Variants in KLRG1 observed in about 807,000 individuals in gnomAD.
KLRG1 encodes killer cell lectin-like receptor subfamily G member 1.
KLRG1 carries 16 observed loss-of-function variants against 21.8 expected under a neutral mutation model. The observed-to-expected ratio is 0.73, with a 90% CI of 0.50 to 1.11. The LOEUF (loss-of-function observed/expected upper bound fraction) is 1.11, where lower values mean the gene tolerates loss of function less well. KLRG1 is among the 50% of genes most tolerant of loss of function. The pLI is 0.00. For missense variants in KLRG1, 173 were observed against 218.3 expected (o/e 0.79, Z 1.31); for synonymous variants, 69 against 75.9 (o/e 0.91, Z 0.47).
At chr12:9,105,904 G>A in the KLRG1 span, among the ~76,000 whole-genome samples, 744 of 152,204 alleles carry the variant, frequency 4.9e-3, 3 homozygotes, top group African/African-American at 0.016. Context: ...GTGAGAAAAT[G>A]TCATAAAAAC....
chr12:9,163,956 T>C, the KLRG1 span, among the ~76,000 whole-genome samples: 1 of 152,160 alleles, frequency 6.6e-6, no homozygotes, highest in Non-Finnish European at 1.5e-5. Flanking sequence ...ATAGTGATTC[T>C]GGGGACTAGC....
At chr12:9,190,922 T>C in the KLRG1 span, among the ~76,000 whole-genome samples, 1 of 152,200 alleles carries the variant, frequency 6.6e-6, no homozygotes, top group Non-Finnish European at 1.5e-5. Flanking sequence ...TCTTTTATCA[T>C]AGAGGTGTAA....
intron 1 of KLRG1, among the ~76,000 whole-genome samples, chr12:8,965,293 C>T (rs1364040408): frequency 6.6e-6 from 1 of 152,162 alleles, no homozygotes; most frequent in Non-Finnish European, 1.5e-5. Context: ...GGGATGCCCT[C>T]TCTCACCACT....
At chr12:9,060,442 A>T in the KLRG1 span, among the ~76,000 whole-genome samples, 1 of 152,190 alleles carries the variant, frequency 6.6e-6, no homozygotes, top group Non-Finnish European at 1.5e-5. Context: ...TAACTGCATG[A>T]TAGAACCACC....
chr12:9,113,475 C>A, the KLRG1 span: 3 of 1,613,770 alleles, frequency 1.9e-6, no homozygotes, highest in Non-Finnish European at 2.5e-6. Flanking sequence ...ATTCAGGTAG[C>A]TCAGAAGGAC....
intron 3 of KLRG1, among the ~76,000 whole-genome samples, chr12:8,995,663 G>C (rs1198669965): frequency 6.6e-6 from 1 of 151,196 alleles, no homozygotes; most frequent in Non-Finnish European, 1.5e-5. Context: ...AAACCTACAG[G>C]TCCAACAACA....
chr12:8,993,480 G>A (rs1003537949), intron 2 of KLRG1, among the ~76,000 whole-genome samples: 2 of 152,030 alleles, frequency 1.3e-5, no homozygotes, highest in African/African-American at 4.8e-5. Flanking sequence ...ATTAGAGACG[G>A]GGTTTCACTA....
chr12:9,135,521 T>A, the KLRG1 span: 1 of 358,388 alleles, frequency 2.8e-6, no homozygotes, highest in South Asian at 2.8e-5. Flanking sequence ...GACAGCTGAA[T>A]AAACTGTAAG....
chr12:9,192,514 G>A, the KLRG1 span: 2 of 1,611,476 alleles, frequency 1.2e-6, no homozygotes, highest in Middle Eastern at 1.7e-4. Flanking sequence ...ATTCTTACCA[G>A]GTAATGGAAA....
At chr12:9,106,085 T>C in the KLRG1 span, 1 of 518,066 alleles carries the variant, frequency 1.9e-6, no homozygotes, top group Non-Finnish European at 3.5e-6. Flanking sequence ...TTTATACCTT[T>C]GGTTATACTA....
chr12:9,067,143 C>A, the KLRG1 span: 2 of 152,518 alleles, frequency 1.3e-5, no homozygotes, highest in African/African-American at 4.8e-5. Flanking sequence ...GAAAGATGAT[C>A]CAATATAATA....
At chr12:9,006,371 C>G (rs1331437823) in intron 3 of KLRG1, among the ~76,000 whole-genome samples, 1 of 152,108 alleles carries the variant, frequency 6.6e-6, no homozygotes, top group African/African-American at 2.4e-5. Flanking sequence ...ATGTAGAAAT[C>G]TCGGGTAAGA....
At chr12:9,155,506 TG>T in the KLRG1 span, among the ~76,000 whole-genome samples, 1 of 152,174 alleles carries the variant, frequency 6.6e-6, no homozygotes, top group African/African-American at 2.4e-5. Flanking sequence ...TTGTTGTTGT[TG>T]TTGTTTTTGT....
chr12:9,058,226 C>T, the KLRG1 span: 1 of 152,160 alleles, frequency 6.6e-6, no homozygotes, highest in Non-Finnish European at 1.5e-5. Context: ...AATCTGTCAT[C>T]TACCTTATTT....
chr12:9,046,681 A>C, the KLRG1 span, among the ~76,000 whole-genome samples: 2 of 152,226 alleles, frequency 1.3e-5, no homozygotes, highest in African/African-American at 4.8e-5. Context: ...AAATGAAAGA[A>C]ATTAAAAACT....
the KLRG1 span, among the ~76,000 whole-genome samples, chr12:9,151,226 G>A: frequency 6.6e-6 from 1 of 152,062 alleles, no homozygotes; most frequent in Non-Finnish European, 1.5e-5. Context: ...ATTTTGTGGA[G>A]GTGGTCTTTA....
chr12:8,976,034 T>C (rs1946652669), intron 1 of KLRG1, among the ~76,000 whole-genome samples: 1 of 152,154 alleles, frequency 6.6e-6, no homozygotes. Flanking sequence ...GTTTTTCTTT[T>C]TCTAGTTTTT....
chr12:8,977,084 C>T (rs1486178301), intron 1 of KLRG1, among the ~76,000 whole-genome samples: 5 of 151,852 alleles, frequency 3.3e-5, no homozygotes, highest in African/African-American at 9.7e-5. Context: ...GTAAGTATAG[C>T]CATTTCTGCT....
chr12:9,137,312 T>C, the KLRG1 span, among the ~76,000 whole-genome samples: 1 of 152,282 alleles, frequency 6.6e-6, no homozygotes, highest in Non-Finnish European at 1.5e-5. Context: ...GTATTCTTGG[T>C]ACCCTTGTCA....
Sources: gnomAD v4.1 joint callset for allele counts (sites outside exome capture counted in the v4.1 genomes callset) on GRCh38, gnomAD v4.1.1 for gene constraint, MANE v1.5 for transcripts, NCBI Gene and HGNC (gene_info 2026-07-23, HGNC 2026-07-21) for gene names.